Variants in CASP5 observed in about 807,000 individuals in gnomAD.
The protein encoded by CASP5 is caspase 5, also known as caspase-5.
In CASP5, 42 loss-of-function variants were observed where a neutral mutation model predicts 45.2. That is an observed-to-expected ratio of 0.93 (90% confidence interval 0.73 to 1.20). The LOEUF is 1.20. Ranked by LOEUF, CASP5 falls within the 50% of genes most tolerant of loss-of-function variation. The pLI is 0.00. For missense variants in CASP5, 512 were observed against 532.2 expected, an observed-to-expected ratio of 0.96 and a Z score of 0.37; for synonymous variants, 209 against 186.2, an observed-to-expected ratio of 1.12 and a Z score of -1.00.
chr11:105,022,317 A>G (rs1863011956), intron 1 of CASP5, among the ~76,000 whole-genome samples: 2 of 151,944 alleles, frequency 1.3e-5, no homozygotes. Flanking sequence ...TAATAATAAT[A>G]AATAAATAAA....
chr11:105,020,692 T>C (rs1862904900), intron 1 of CASP5, among the ~76,000 whole-genome samples: 1 of 152,116 alleles, frequency 6.6e-6, no homozygotes, highest in Non-Finnish European at 1.5e-5. Flanking sequence ...TCCATGCTCA[T>C]GGGTAGGAAG....
chr11:105,008,486 T>A (rs898118544), intron 2 of CASP5, among the ~76,000 whole-genome samples: 4 of 152,078 alleles, frequency 2.6e-5, no homozygotes, highest in Non-Finnish European at 2.9e-5. Context: ...CAAGAGAGGT[T>A]AAGATACATG....
intron 8 of CASP5, 149 bp from the exon 9 acceptor site, chr11:104,995,991 C>T: frequency 1.8e-6 from 1 of 555,400 alleles, no homozygotes; most frequent in Non-Finnish European, 3.3e-6. Context: ...AACACTGCTA[C>T]TCTACCTCTT....
At chr11:105,022,369 A>G (rs1276639129) in intron 1 of CASP5, among the ~76,000 whole-genome samples, 1 of 152,120 alleles carries the variant, frequency 6.6e-6, no homozygotes, top group Admixed American at 6.5e-5. Context: ...TATATGTTAT[A>G]AGGTTTAGAA....
chr11:105,015,752 CAAA>C (rs34623702), intron 1 of CASP5, among the ~76,000 whole-genome samples: 8,788 of 137,032 alleles, frequency 0.064, 775 homozygotes, highest in African/African-American at 0.21. Context: ...ATAAAATAGA[CAAA>C]AAAAAAAAAA....
chr11:105,009,720 C>CACACACACACACACAT (rs1376205553), intron 1 of CASP5, among the ~76,000 whole-genome samples: 1 of 64,082 alleles, frequency 1.6e-5, no homozygotes, highest in African/African-American at 5.1e-5. Flanking sequence ...TATATACACA[C>CACACACACACACACAT]ATATATATAT....
intron 9 of CASP5, chr11:104,995,282 G>T (rs45447096): frequency 0.017 from 2,607 of 152,948 alleles, 103 homozygotes; most frequent in Admixed American, 0.095. Flanking sequence ...ACAGTAATGT[G>T]ATATGTGCAC....
intron 3 of CASP5, among the ~76,000 whole-genome samples, chr11:105,005,366 G>A (rs1445862849): frequency 7.2e-6 from 1 of 138,372 alleles, no homozygotes; most frequent in African/African-American, 3.4e-5. Context: ...ATGTGTGTGT[G>A]TGTGTGTGTG....
intron 7 of CASP5, among the ~76,000 whole-genome samples, chr11:104,998,384 C>T (rs1022171597): frequency 1.3e-5 from 2 of 152,120 alleles, no homozygotes; most frequent in African/African-American, 2.4e-5. Context: ...ACCTAATTAG[C>T]TCCACCCTAA....
In CASP5 at chr11:105,004,861, T is replaced by C. The variant is rs995649480; in HGVS notation, c.434-1478A>G. 5.3e-5 allele frequency among the ~76,000 whole-genome samples: 8 copies of C among 152,078 alleles called. No individual in the cohort carries two copies. The East Asian group carries it at 1.5e-3, about 29-fold the overall frequency. On this transcript the variant is annotated intron_variant, in intron 3 of 9. Transcript: ENST00000260315. ...TCTGCCAATGTGAAGACATCTAGGGTCCTGGGATATTACTGGTCTGAGGGT... is the reference window on the plus strand; with the variant it reads ...TCTGCCAATGTGAAGACATCTAGGGCCCTGGGATATTACTGGTCTGAGGGT...
chr11:104,999,923 T>G lies in CASP5; in HGVS notation c.952+338A>C, dbSNP rs549971501. On this transcript the variant is annotated intron_variant, in intron 6 of 9. Coordinates refer to ENST00000260315, the MANE Select transcript of CASP5 (RefSeq NM_004347.5). ...TGCAAATTCTTCAGAAACCACATAA[T>G]GTCAACATGTCTGTAAATCATTTAC... Among the ~76,000 whole-genome samples, 13 of 152,332 alleles carry G rather than the reference T, an allele frequency of 8.5e-5. No homozygotes were observed. In the East Asian group the frequency reaches 2.3e-3, roughly 27 times the overall value.
chr11:105,008,134 G>A (rs1260789809), intron 2 of CASP5, among the ~76,000 whole-genome samples: 1 of 152,072 alleles, frequency 6.6e-6, no homozygotes, highest in Non-Finnish European at 1.5e-5. Context: ...AAAGCAACCA[G>A]TTGCATTCTG....
chr11:105,017,461 A>G (rs1418596111), intron 1 of CASP5, among the ~76,000 whole-genome samples: 1 of 152,058 alleles, frequency 6.6e-6, no homozygotes, highest in East Asian at 1.9e-4. Context: ...AAGTGCTTAA[A>G]GGAGCTGATG....
chr11:104,995,468 T>G (rs1861418585), intron 9 of CASP5, among the ~76,000 whole-genome samples: 1 of 152,212 alleles, frequency 6.6e-6, no homozygotes, highest in South Asian at 2.1e-4. Flanking sequence ...TGGTAATATT[T>G]GTACATTATT....
intron 1 of CASP5, among the ~76,000 whole-genome samples, chr11:105,013,371 T>A (rs1044261466): frequency 6.7e-6 from 1 of 150,020 alleles, no homozygotes; most frequent in African/African-American, 2.4e-5. Context: ...TAGTCAATGA[T>A]GAATTCTTGA....
intron 1 of CASP5, among the ~76,000 whole-genome samples, chr11:105,011,668 G>T (rs1167536975): frequency 6.6e-6 from 1 of 151,438 alleles, no homozygotes; most frequent in Non-Finnish European, 1.5e-5. Context: ...TAAAAAATTG[G>T]ATGATAAAAA....
intron 1 of CASP5, among the ~76,000 whole-genome samples, chr11:105,021,633 T>C (rs71484388): frequency 0.062 from 8,001 of 128,188 alleles, 293 homozygotes; most frequent in Admixed American, 0.092. Flanking sequence ...CGAGTTAGAA[T>C]GGCAATCATT....
At chr11:105,002,793 T>C (rs1861805540) in intron 4 of CASP5, among the ~76,000 whole-genome samples, 2 of 152,254 alleles carry the variant, frequency 1.3e-5, no homozygotes, top group South Asian at 4.1e-4. Flanking sequence ...TTATCATGGA[T>C]TGAATGAGCA....
intron 3 of CASP5, among the ~76,000 whole-genome samples, chr11:105,006,421 TTC>T (rs1425827128): frequency 7.2e-5 from 11 of 152,230 alleles, no homozygotes; most frequent in South Asian, 2.1e-4. Context: ...ACCAGTTACA[TTC>T]TGGTAGCAGA....
Sources: allele counts gnomAD v4.1 joint callset (sites outside exome capture counted in the v4.1 genomes callset), GRCh38; gene constraint gnomAD v4.1.1; transcripts MANE v1.5; gene names NCBI Gene and HGNC (gene_info 2026-07-23, HGNC 2026-07-21).